Variants in MUC3A observed in about 807,000 individuals in gnomAD.
MUC3A encodes the protein mucin 3A, cell surface associated.
Under a neutral mutation model 109.0 loss-of-function variants are expected in MUC3A, and 109 were observed. The observed-to-expected ratio is 1.00, with a 90% CI of 0.86 to 1.17. The LOEUF (loss-of-function observed/expected upper bound fraction) is 1.17, where lower values mean the gene tolerates loss of function less well. Ranked by LOEUF, MUC3A falls within the 50% of genes most tolerant of loss-of-function variation. MUC3A has a pLI of 0.00. For missense variants in MUC3A, 3,537 were observed against 2,469.4 expected, an observed-to-expected ratio of 1.43 and a Z score of -9.16; for synonymous variants, 1,398 against 981.4, an observed-to-expected ratio of 1.42 and a Z score of -7.93.
At chr7:100,951,605 C>T (rs80220736) in intron 1 of MUC3A, among the ~76,000 whole-genome samples, 61 of 149,546 alleles carry the variant, frequency 4.1e-4, no homozygotes, top group African/African-American at 1.3e-3. Flanking sequence ...GGCCAAGGCC[C>T]GGTGAGGAAT....
intron 1 of MUC3A, among the ~76,000 whole-genome samples, chr7:100,951,567 A>G (rs78117209): frequency 1.0e-3 from 1 of 964 alleles, no homozygotes; most frequent in Non-Finnish European, 1.9e-3. Context: ...GCTCGGCTAT[A>G]TCAGGACAGG....
chr7:100,949,690 G>C lies in MUC3A; in HGVS notation c.61+5G>C, dbSNP rs994549008. 6 of 1,537,476 alleles carry C rather than the reference G, an allele frequency of 3.9e-6. No individual in the cohort carries two copies. The highest frequency in any genetic ancestry group is 3.6e-5 in the South Asian group (3 of 83,744). On this transcript the variant is annotated splice_donor_5th_base_variant and intron_variant, in intron 1 of 11. Transcript: ENST00000379458. Reference sequence around the variant, plus strand: ...AGGCCTCCCCGTGGGCCACAGGTAAGGGGGAGAGGCGGAAGGGGGTTGGAG... The same window carrying C: ...AGGCCTCCCCGTGGGCCACAGGTAACGGGGAGAGGCGGAAGGGGGTTGGAG...
chr7:100,965,472 G>A, intron 7 of MUC3A, 125 bp downstream of exon 7: 2 of 1,487,400 alleles, frequency 1.3e-6, no homozygotes. Flanking sequence ...GTGGCCCAGG[G>A]CGGCCCTTCC....
rs773694523 is a variant in MUC3A at position 100,960,575 on chromosome 7, C to G, written c.8796C>G (p.Thr2932=). 5 of 1,598,570 alleles carry G rather than the reference C, an allele frequency of 3.1e-6. No homozygotes were observed. The highest frequency in any genetic ancestry group is 2.2e-5 in the East Asian group (1 of 44,890). The part of the protein sequence containing the change: ...TPVATTQTPT[T]LTSRRTTRIT... ...TGGCCACTACCCAGACTCCTACCACCCTTACATCACGCAGGACAACTCGCA... is the reference window on the plus strand; with the variant it reads ...TGGCCACTACCCAGACTCCTACCACGCTTACATCACGCAGGACAACTCGCA... Residue 2932 remains threonine, a synonymous_variant, in exon 2 of 12, where the codon ACC becomes ACG. Transcript: ENST00000379458.
chr7:100,963,118 A>C (rs1792394626), intron 3 of MUC3A, 33 bp from the exon 4 acceptor site: 1 of 1,591,372 alleles, frequency 6.3e-7, no homozygotes. Flanking sequence ...AAGCAGACAG[A>C]GAAGTGACTG....
At position 100,960,126 on chromosome 7, in the gene MUC3A, A is replaced by T; in HGVS notation, c.8347A>T (p.Thr2783Ser). The T allele has an allele frequency of 6.5e-7, 1 of 1,546,544 alleles. No individual in the cohort carries two copies. The change falls in exon 2 of 12, where the codon ACT becomes TCT. Residue 2783 changes from threonine to serine, a missense_variant. Transcript: ENST00000379458. ...ITITIVPASP[T>S]DPCVEMDPST... The stretch of plus-strand genomic sequence containing the variant: ...AATTACCATAGTCCCTGCCTCCCCC[A>T]CTGATCCATGTGTTGAAATGGATCC...
intron 3 of MUC3A, 108 bp from the exon 4 acceptor site, chr7:100,963,043 A>G: frequency 3.1e-6 from 4 of 1,270,666 alleles, no homozygotes; most frequent in Non-Finnish European, 3.3e-6. Context: ...GTCCTCAGGG[A>G]TCTTGGAGGG....
At chr7:100,965,544 C>T in intron 7 of MUC3A, 160 bp from the exon 8 acceptor site, 1 of 1,414,226 alleles carries the variant, frequency 7.1e-7, no homozygotes, top group Non-Finnish European at 9.4e-7. Context: ...GGTGAGGGTG[C>T]TGCGGGTGGC....
Position 100,965,277 on chromosome 7 carries a change from C to A in MUC3A, c.9383-5C>A, listed in dbSNP as rs200850624. The A allele has an allele frequency of 1.8e-5, 29 of 1,598,826 alleles. No homozygotes were observed. The highest frequency in any genetic ancestry group is 4.4e-5 in the South Asian group (4 of 90,964). ...CCCATTCCATCTGTGCCTGTGTTTC[C>A]GCAGCCCTGTGTTTTAAGCCTGACT... On this transcript the variant is annotated splice_region_variant and splice_polypyrimidine_tract_variant and intron_variant, in intron 6 of 11. Coordinates refer to ENST00000379458, the MANE Select transcript of MUC3A (RefSeq NM_005960.2).
Position 100,957,657 on chromosome 7 carries a change from T to C in MUC3A, c.5878T>C (p.Ser1960Pro). The C allele has an allele frequency of 1.9e-6, 3 of 1,572,278 alleles. No individual in the cohort carries two copies. Among genetic ancestry groups the C allele is most frequent in the Non-Finnish European group, 2.6e-6 (3 of 1,157,062 alleles). Reference sequence around the variant, plus strand: ...CTCACACAGCTCTCCCAGCTTCACTTCTTCGATCACCACCACCGAGACCAC... The same window carrying C: ...CTCACACAGCTCTCCCAGCTTCACTCCTTCGATCACCACCACCGAGACCAC... ...TTSHSSPSFT[S>P]SITTTETTSH... The change falls in exon 2 of 12, where the codon TCT becomes CCT. Residue 1960 changes from serine (S) to proline (P), a missense_variant. Ser to Pro is a moderately conservative substitution (Grantham distance 74). Coordinates refer to ENST00000379458, the MANE Select transcript of MUC3A (RefSeq NM_005960.2).
chr7:100,955,939 T>G lies in MUC3A; in HGVS notation c.4160T>G (p.Ile1387Ser). The change falls in exon 2 of 12, where the codon ATC (isoleucine) becomes AGC (serine). Residue 1387 changes from isoleucine to serine, a missense_variant. By Grantham distance (142) the Ile-to-Ser change is moderately radical (BLOSUM62 -2). Coordinates refer to ENST00000379458, the MANE Select transcript of MUC3A (RefSeq NM_005960.2). ...ACAGCCATGACTTCTACTCCCCCCA[T>G]CACTTCTTCAATCACTCCCACCGAT... ...LTTAMTSTPP[I>S]TSSITPTDTM... 3.7e-6 allele frequency: 2 copies of G among 537,058 alleles called. No homozygotes were observed. Among genetic ancestry groups the G allele is most frequent in the South Asian group, 3.4e-5 (1 of 29,764 alleles). The allele number at this position is 537,058 out of a possible 1,614,324, so 33.3% of individuals were successfully genotyped here. A position where few individuals can be genotyped will look rare whatever the true frequency, so the allele number is the denominator to read the frequency against.
rs80123018 is a variant in MUC3A, at chr7:100,952,949, C to G, written c.1170C>G (p.Thr390=). The G allele has an allele frequency of 2.9e-6, 4 of 1,361,026 alleles. No individual in the cohort carries two copies. The Admixed American group carries it at 1.1e-4, about 37-fold the overall frequency. The allele number at this position is 1,361,026 out of a possible 1,614,324, so 84.3% of individuals were successfully genotyped here. A position where few individuals can be genotyped will look rare whatever the true frequency, so the allele number is the denominator to read the frequency against. ...ATTPMTNLVT[T]TTEISSHSTP... is the part of the protein sequence containing the mutation. Reference sequence around the variant, plus strand: ...CTCCTATGACAAACTTGGTAACCACCACCACTGAGATCTCCTCCCACAGTA... The same window carrying G: ...CTCCTATGACAAACTTGGTAACCACGACCACTGAGATCTCCTCCCACAGTA... The change falls in exon 2 of 12, where the codon ACC becomes ACG. Residue 390 remains threonine, a synonymous_variant. Coordinates refer to ENST00000379458, the MANE Select transcript of MUC3A (RefSeq NM_005960.2).
Position 100,956,433 on chromosome 7 carries a change from A to C in MUC3A, c.4654A>C (p.Thr1552Pro), listed in dbSNP as rs952867465. Residue 1552 changes from threonine to proline, a missense_variant, in exon 2 of 12, where the codon ACC becomes CCC. Coordinates refer to ENST00000379458, the MANE Select transcript of MUC3A (RefSeq NM_005960.2). ...CACTGCCATCACCTCAGTTCCCACT[A>C]CCTTGGGTACCATGGTGACTTCTAC... is the stretch of plus-strand genomic sequence containing the variant. The part of the protein sequence containing the change: ...PTTAITSVPT[T>P]LGTMVTSTSM... 1.5e-4 allele frequency: 77 copies of C among 504,470 alleles called. No individual in the cohort carries two copies. The African/African-American group carries it at 3.1e-3, about 20-fold the overall frequency. 31.2% of individuals were successfully genotyped at this position (504,470 alleles called of 1,614,324 possible). A position where few individuals can be genotyped will look rare whatever the true frequency, so the allele number is the denominator to read the frequency against.
rs1792013783 is a variant in MUC3A at position 100,953,033 on chromosome 7, C to G, written c.1254C>G (p.Ile418Met). The G allele has an allele frequency of 1.3e-6, 2 of 1,534,706 alleles. No homozygotes were observed. The highest frequency in any genetic ancestry group is 3.3e-5 in the Admixed American group (2 of 59,906). ...YSTVSTSTTA[I>M]SSLPPTSGTM... ...CAGTCAGCACATCCACAACTGCCAT[C>G]TCCTCACTTCCCCCTACCTCAGGTA... The change falls in exon 2 of 12, where the codon ATC becomes ATG. Residue 418 changes from isoleucine to methionine, a missense_variant. Physicochemically the swap from Ile to Met is conservative, Grantham distance 10. Transcript: ENST00000379458.
At chr7:100,963,609 C>T (rs1450805484) in intron 4 of MUC3A, 79 bp from the exon 5 acceptor site, 20 of 1,593,570 alleles carry the variant, frequency 1.3e-5, no homozygotes, top group East Asian at 6.7e-5. Flanking sequence ...AAGGGTCTTC[C>T]CTGGAGCTGG....
Position 100,958,188 on chromosome 7 carries a change from G to GTCACCACCGAGA in MUC3A, c.6409_6410insTCACCACCGAGA (p.Ala2137delinsValThrThrGluThr), listed in dbSNP as rs1792152622. ...TTCTTCGATCACCACCACTGAGAAC[G>GTCACCACCGAGA]CCACACACAGTACTCCCAACTTCAC... On this transcript the variant is annotated protein_altering_variant, in exon 2 of 12. Coordinates refer to ENST00000379458, the MANE Select transcript of MUC3A (RefSeq NM_005960.2). The GTCACCACCGAGA allele has an allele frequency of 2.3e-5, 6 of 265,764 alleles. No individual in the cohort carries two copies. In the African/African-American group the frequency reaches 3.6e-4, roughly 16 times the overall value. 16.5% of individuals were successfully genotyped at this position (265,764 alleles called of 1,614,324 possible). A position where few individuals can be genotyped will look rare whatever the true frequency, so the allele number is the denominator to read the frequency against.
At position 100,958,617 on chromosome 7, in the gene MUC3A, A is replaced by C; in HGVS notation, c.6838A>C (p.Ser2280Arg). 2.2e-6 allele frequency: 2 copies of C among 921,940 alleles called. No homozygotes were observed. Among genetic ancestry groups the C allele is most frequent in the Non-Finnish European group, 2.7e-6 (2 of 737,082 alleles). The allele number at this position is 921,940 out of a possible 1,614,324, so 57.1% of individuals were successfully genotyped here. A position where few individuals can be genotyped will look rare whatever the true frequency, so the allele number is the denominator to read the frequency against. ...TPSFTSSITT[S>R]ETPSHSTPSS... The stretch of plus-strand genomic sequence containing the variant: ...CAGCTTCACTTCTTCAATCACCACC[A>C]GTGAGACCCCCTCACACAGTACTCC... The change falls in exon 2 of 12, where the codon AGT becomes CGT. Residue 2280 changes from serine (S) to arginine (R), a missense_variant. Physicochemically the swap from Ser to Arg is moderately radical, Grantham distance 110. Transcript: ENST00000379458.
chr7:100,965,522 C>A (rs1584812521), intron 7 of MUC3A, 175 bp downstream of exon 7: 43 of 1,413,326 alleles, frequency 3.0e-5, no homozygotes, highest in East Asian at 1.7e-4. Context: ...ACAGCAGGGG[C>A]CACGAGGAGA....
Position 100,958,791 on chromosome 7 carries a change from AC to A in MUC3A, c.7013del (p.Thr2338IlefsTer133), listed in dbSNP as rs1792190148. 8.2e-7 allele frequency: 1 copy of A among 1,221,736 alleles called. No homozygotes were observed. Among genetic ancestry groups the A allele is most frequent in the Non-Finnish European group, 1.0e-6 (1 of 971,468 alleles). The allele number at this position is 1,221,736 out of a possible 1,614,324, so 75.7% of individuals were successfully genotyped here. Reference sequence around the variant, plus strand: ...CACCACCGAGACCACCTCACACAATACTCGCAGCTTCACTTCTTCGATCACC... The same window carrying A: ...CACCACCGAGACCACCTCACACAATATCGCAGCTTCACTTCTTCGATCACC... ...ITTTETTSHNTRSFTSSITTT... is the reference protein window; with the variant it reads ...ITTTETTSHNXRSFTSSITTT... On this transcript the variant is annotated frameshift_variant, in exon 2 of 12. Coordinates refer to ENST00000379458, the MANE Select transcript of MUC3A (RefSeq NM_005960.2). LOFTEE classifies it high-confidence loss of function.
Sources: allele counts gnomAD v4.1 joint callset (sites outside exome capture counted in the v4.1 genomes callset), GRCh38; gene constraint gnomAD v4.1.1; transcripts MANE v1.5; gene names NCBI Gene and HGNC (gene_info 2026-07-23, HGNC 2026-07-21).